Variants in SNX29 observed in about 807,000 individuals in gnomAD.
SNX29 encodes the protein sorting nexin 29.
A neutral mutation model predicts 102.1 loss-of-function variants in SNX29; 78 were observed. That is an observed-to-expected ratio of 0.76 (90% CI 0.64 to 0.92). The LOEUF is 0.92. Among genes scored for constraint, SNX29 ranks in the 40% least tolerant of loss-of-function variants. The pLI is 0.00. For missense variants in SNX29, 1,280 were observed against 1,061.7 expected (o/e 1.21, Z -2.86); for synonymous variants, 580 against 414.5 (o/e 1.40, Z -4.85).
At chr16:12,459,015 CTTTCTCCCTTCCTCCTCCT>C (rs1413373533) in intron 18 of SNX29, among the ~76,000 whole-genome samples, 37 of 151,650 alleles carry the variant, frequency 2.4e-4, no homozygotes, top group Non-Finnish European at 4.4e-4. Context: ...TTCCTCCTCC[CTTTCTCCCTTCCTCCTCCT>C]CCGCCCCCTC....
At chr16:12,070,070 G>A (rs563682449) in intron 10 of SNX29, among the ~76,000 whole-genome samples, 2 of 152,196 alleles carry the variant, frequency 1.3e-5, no homozygotes, top group Non-Finnish European at 2.9e-5. Context: ...CATAGTATTT[G>A]TGAAGGGCTT....
chr16:12,021,176 C>T (rs962181093), intron 3 of SNX29, among the ~76,000 whole-genome samples: 13 of 152,164 alleles, frequency 8.5e-5, no homozygotes, highest in Non-Finnish European at 1.3e-4. Context: ...CCTGGAATCC[C>T]AGCACTTTGG....
chr16:12,519,074 A>G (rs1433576444), intron 19 of SNX29, among the ~76,000 whole-genome samples: 1 of 152,152 alleles, frequency 6.6e-6, no homozygotes, highest in Non-Finnish European at 1.5e-5. Flanking sequence ...TGGTCCGCTA[A>G]TCAGGCACTC....
At chr16:12,341,959 G>A (rs562013635) in intron 15 of SNX29, among the ~76,000 whole-genome samples, 88 of 152,286 alleles carry the variant, frequency 5.8e-4, no homozygotes, top group African/African-American at 1.3e-3. Flanking sequence ...ACAGTGCTTC[G>A]TGCCAGGAAG....
chr16:12,059,912 T>C (rs1018477461), intron 8 of SNX29, among the ~76,000 whole-genome samples: 5 of 152,250 alleles, frequency 3.3e-5, no homozygotes, highest in Non-Finnish European at 5.9e-5. Context: ...TTAGTGCTGA[T>C]GGCCTTGGAC....
Position 12,176,631 on chromosome 16 carries a change from G to A in SNX29, c.1596-22970G>A, listed in dbSNP as rs553951095. On this transcript the variant is annotated intron_variant, in intron 13 of 20. Coordinates refer to ENST00000566228, the MANE Select transcript of SNX29 (RefSeq NM_032167.5). ...TGATTTAAAGTCTACCGGGGGATGT[G>A]TTTAGGCTATTTACAAATACTGTGC... 7.9e-5 allele frequency among the ~76,000 whole-genome samples: 12 copies of A among 152,306 alleles called. No homozygotes were observed. The South Asian group carries it at 2.5e-3, about 32-fold the overall frequency.
chr16:12,163,434 G>A (rs984567466), intron 13 of SNX29, among the ~76,000 whole-genome samples: 5 of 152,174 alleles, frequency 3.3e-5, no homozygotes, highest in Admixed American at 6.5e-5. Context: ...GGTGACTGGA[G>A]AGGAGCTCAA....
intron 18 of SNX29, among the ~76,000 whole-genome samples, chr16:12,420,762 C>T (rs909593515): frequency 5.3e-5 from 8 of 152,114 alleles, no homozygotes; most frequent in African/African-American, 1.9e-4. Flanking sequence ...GAAGAGGCAG[C>T]CTCAGGGAAA....
chr16:12,341,047 G>A lies in SNX29; in HGVS notation c.1783-15116G>A, dbSNP rs147978263. Among the ~76,000 whole-genome samples, 18 of 152,342 alleles carry A rather than the reference G, an allele frequency of 1.2e-4. No homozygotes were observed. In the East Asian group the frequency reaches 3.1e-3, roughly 26 times the overall value. On this transcript the variant is annotated intron_variant, in intron 15 of 20. Coordinates refer to ENST00000566228, the MANE Select transcript of SNX29 (RefSeq NM_032167.5). ...CTTGAAGAGACGTGATGATTACAGT[G>A]AAGGAATATTGATAAAGGACCAAGA... is the stretch of plus-strand genomic sequence containing the variant.
In SNX29 at chr16:12,471,598, A is replaced by C. The variant is rs145696053; in HGVS notation, c.2038-6121A>C. Among the ~76,000 whole-genome samples the C allele has an allele frequency of 1.2e-4, 18 of 152,342 alleles. No individual in the cohort carries two copies. In the East Asian group the frequency reaches 3.5e-3, roughly 29 times the overall value. On this transcript the variant is annotated intron_variant, in intron 18 of 20. Coordinates refer to ENST00000566228, the MANE Select transcript of SNX29 (RefSeq NM_032167.5). ...GGATGTGTACCCACAGAGCCTTGGCACTACCTCCTGCCCCATCTACGGCCT... is the reference window on the plus strand; with the variant it reads ...GGATGTGTACCCACAGAGCCTTGGCCCTACCTCCTGCCCCATCTACGGCCT...
intron 13 of SNX29, among the ~76,000 whole-genome samples, chr16:12,145,136 G>T (rs982750736): frequency 3.3e-5 from 5 of 151,928 alleles, no homozygotes; most frequent in Admixed American, 3.3e-4. Context: ...ATATACACAA[G>T]TGGGATTCTA....
At chr16:12,177,583 A>G (rs138430496) in intron 13 of SNX29, among the ~76,000 whole-genome samples, 6 of 152,338 alleles carry the variant, frequency 3.9e-5, no homozygotes, top group African/African-American at 1.4e-4. Flanking sequence ...TGCCTGGTAT[A>G]TAATAGATGC....
intron 18 of SNX29, among the ~76,000 whole-genome samples, chr16:12,406,473 T>TA (rs2084170670): frequency 6.6e-6 from 1 of 152,208 alleles, no homozygotes; most frequent in Non-Finnish European, 1.5e-5. Context: ...ACCAAGGGCA[T>TA]AACCCCAAAG....
intron 3 of SNX29, among the ~76,000 whole-genome samples, chr16:12,019,131 G>A (rs1054729330): frequency 2.0e-5 from 3 of 152,158 alleles, no homozygotes; most frequent in Admixed American, 2.0e-4. Context: ...CTTGAAGCCC[G>A]AATACTTTTT....
At chr16:12,238,336 C>A (rs1309882635) in intron 14 of SNX29, among the ~76,000 whole-genome samples, 1 of 146,412 alleles carries the variant, frequency 6.8e-6, no homozygotes, top group South Asian at 2.1e-4. Context: ...GAGTCTCGCT[C>A]TATCACGTAG....
chr16:12,062,040 C>A (rs187804520), intron 9 of SNX29, among the ~76,000 whole-genome samples: 139 of 152,266 alleles, frequency 9.1e-4, no homozygotes, highest in African/African-American at 3.3e-3. Context: ...GGCCCTGCCA[C>A]CCTGTGCAGA....
At chr16:12,284,011 G>A (rs892547925) in intron 15 of SNX29, among the ~76,000 whole-genome samples, 3 of 152,262 alleles carry the variant, frequency 2.0e-5, no homozygotes, top group African/African-American at 7.2e-5. Context: ...ATAAGATATT[G>A]GACACATCCA....
intron 19 of SNX29, among the ~76,000 whole-genome samples, chr16:12,494,567 C>A (rs1178842678): frequency 6.6e-6 from 1 of 152,202 alleles, no homozygotes; most frequent in Non-Finnish European, 1.5e-5. Context: ...AGTGTCCTGG[C>A]AGTACAGGGC....
rs374486413 is a variant in SNX29, at chr16:12,522,916, T to C, written c.2179-1786T>C. Reference sequence around the variant, plus strand: ...CACTCTACCTCTCGGGCTTAAGCAGTCCTCCTGCTGCAGCCACCCATGTAG... The same window carrying C: ...CACTCTACCTCTCGGGCTTAAGCAGCCCTCCTGCTGCAGCCACCCATGTAG... On this transcript the variant is annotated intron_variant, in intron 19 of 20. Coordinates refer to ENST00000566228, the MANE Select transcript of SNX29 (RefSeq NM_032167.5). Among the ~76,000 whole-genome samples, 34 of 152,294 alleles carry C rather than the reference T, an allele frequency of 2.2e-4. No homozygotes were observed. In the South Asian group the frequency reaches 6.6e-3, roughly 30 times the overall value.
Sources: gnomAD v4.1 joint callset for allele counts (sites outside exome capture counted in the v4.1 genomes callset) on GRCh38, gnomAD v4.1.1 for gene constraint, MANE v1.5 for transcripts, NCBI Gene and HGNC (gene_info 2026-07-23, HGNC 2026-07-21) for gene names.